The following RBFOX2 variants were observed in gnomAD, a reference collection of about 807,000 sequenced individuals.
RBFOX2 encodes the protein RNA binding fox-1 homolog 2.
RBFOX2 carries 10 observed loss-of-function variants against 49.1 expected under a neutral mutation model. The ratio of observed to expected loss-of-function variants is 0.20; its 90% confidence interval spans 0.13 to 0.35. RBFOX2 has a LOEUF of 0.35. RBFOX2 is among the 10% of genes least tolerant of loss of function. The probability of loss-of-function intolerance (pLI) is 1.00; values close to 1 mark genes in which losing one functional copy is unlikely to be tolerated. For missense variants in RBFOX2, 323 were observed against 486.9 expected (o/e 0.66, Z 3.17); for synonymous variants, 183 against 187.4 (o/e 0.98, Z 0.19).
upstream of RBFOX2, chr22:35,961,833 A>G (rs1024323790): frequency 1.6e-6 from 1 of 635,824 alleles, no homozygotes; most frequent in African/African-American, 2.0e-5. Flanking sequence ...ATGACTAAGA[A>G]AACACAGAGA....
chr22:36,007,986 T>C (rs1041177388), intron 1 of RBFOX2, among the ~76,000 whole-genome samples: 4 of 152,208 alleles, frequency 2.6e-5, no homozygotes, highest in African/African-American at 7.2e-5. Context: ...AATAATGCTA[T>C]AATGTATATT....
intron 1 of RBFOX2, among the ~76,000 whole-genome samples, chr22:35,937,222 T>C (rs1277256946): frequency 1.3e-5 from 2 of 152,224 alleles, no homozygotes; most frequent in East Asian, 3.8e-4. Context: ...TTTTCTGATA[T>C]ATGACTAAGA....
chr22:35,796,136 G>C (rs1311580569), intron 2 of RBFOX2, among the ~76,000 whole-genome samples: 1 of 152,028 alleles, frequency 6.6e-6, no homozygotes, highest in African/African-American at 2.4e-5. Context: ...ACTGTGCCTG[G>C]CCTACAAAGA....
chr22:35,947,541 T>C (rs2054427709), intron 1 of RBFOX2, among the ~76,000 whole-genome samples: 1 of 151,748 alleles, frequency 6.6e-6, no homozygotes, highest in African/African-American at 2.4e-5. Context: ...CCATGTGTGT[T>C]ACTGGCCATT....
intron 6 of RBFOX2, 79 bp downstream of exon 7, chr22:35,765,344 A>C: frequency 9.7e-7 from 1 of 1,029,708 alleles, no homozygotes; most frequent in South Asian, 1.6e-5. Flanking sequence ...GACGGAAATA[A>C]AGACATTCTT....
intron 1 of RBFOX2, among the ~76,000 whole-genome samples, chr22:35,877,786 TGA>T (rs2045332055): frequency 6.6e-6 from 1 of 152,056 alleles, no homozygotes; most frequent in African/African-American, 2.4e-5. Context: ...CCCTGCGATG[TGA>T]GAGAGAATAG....
At chr22:35,785,977 T>A (rs1366918416) in intron 2 of RBFOX2, among the ~76,000 whole-genome samples, 1 of 152,198 alleles carries the variant, frequency 6.6e-6, no homozygotes, top group Non-Finnish European at 1.5e-5. Context: ...CACAGTTGGA[T>A]CACATGAAAC....
Position 35,759,953 on chromosome 22 carries a change from G to A in RBFOX2, c.822C>T (p.Gly274=). The A allele has an allele frequency of 6.2e-7, 1 of 1,613,836 alleles. No homozygotes were observed. The highest frequency in any genetic ancestry group is 8.5e-7 in the Non-Finnish European group (1 of 1,180,020). ...CTGCACCATATACTGTCCGCCCTCT[G>A]CCCCTCAAATGGGCTCCTCTGAAAG... The change falls in exon 9 of 12, where the codon GGC becomes GGT. Residue 274 remains glycine (G), a synonymous_variant. Transcript: ENST00000405409. The surrounding 1 kb of genome is among the most constrained non-coding windows in gnomAD (Gnocchi z 4.6).
intron 3 of RBFOX2, among the ~76,000 whole-genome samples, chr22:35,778,433 A>G (rs555951983): frequency 7.4e-4 from 112 of 152,320 alleles, no homozygotes; most frequent in African/African-American, 2.6e-3. Flanking sequence ...TATACTATAG[A>G]AGGCTGTTAC....
At chr22:36,005,925 A>G (rs1430711678) in intron 1 of RBFOX2, among the ~76,000 whole-genome samples, 3 of 152,168 alleles carry the variant, frequency 2.0e-5, no homozygotes, top group Admixed American at 2.0e-4. Flanking sequence ...TAGCTGAAAA[A>G]GTTTATTTCA....
Position 35,746,097 on chromosome 22 carries a change from G to T in RBFOX2, c.977-102C>A, listed in dbSNP as rs1932646653. 4.8e-6 allele frequency: 5 copies of T among 1,032,792 alleles called. No individual in the cohort carries two copies. The East Asian group carries it at 1.2e-4, about 25-fold the overall frequency. 64.0% of individuals were successfully genotyped at this position (1,032,792 alleles called of 1,614,324 possible). ...AAGACTTGTGAGTCACTTGGTCTTG[G>T]ATTATCATAAGGAAACTGGAATTAC... On this transcript the variant is annotated intron_variant, in intron 10 of 11. Coordinates refer to ENST00000405409, the Ensembl canonical transcript of RBFOX2.
At chr22:35,801,428 TACACAC>T (rs10623033) in intron 2 of RBFOX2, among the ~76,000 whole-genome samples, 11 of 143,618 alleles carry the variant, frequency 7.7e-5, no homozygotes, top group East Asian at 2.1e-4. Flanking sequence ...ATACAACACA[TACACAC>T]ACACACACAC....
chr22:35,840,370 T>A, exon 1 of RBFOX2: 3 of 1,539,232 alleles, frequency 1.9e-6, no homozygotes, highest in Non-Finnish European at 2.6e-6. Flanking sequence ...TTTTTCTTTC[T>A]AATGTTTCTT....
intron 2 of RBFOX2, among the ~76,000 whole-genome samples, chr22:35,807,957 C>T (rs145728068): frequency 5.9e-5 from 9 of 151,898 alleles, no homozygotes; most frequent in African/African-American, 1.9e-4. Flanking sequence ...TAACTTTATA[C>T]CAACAAAATT....
chr22:35,780,594 A>G (rs1944931612), intron 3 of RBFOX2, among the ~76,000 whole-genome samples: 1 of 152,212 alleles, frequency 6.6e-6, no homozygotes, highest in Non-Finnish European at 1.5e-5. Context: ...ATCCTCTACA[A>G]TGATTTTAGA....
chr22:35,781,788 T>A, intron 2 of RBFOX2, 42 bp from the exon 4 acceptor site: 9 of 1,611,566 alleles, frequency 5.6e-6, no homozygotes, highest in Non-Finnish European at 7.6e-6. Context: ...CACAATTACT[T>A]TAAAATAATT....
intron 1 of RBFOX2, among the ~76,000 whole-genome samples, chr22:35,921,845 G>A (rs2051063168): frequency 6.6e-6 from 1 of 152,160 alleles, no homozygotes; most frequent in Non-Finnish European, 1.5e-5. Context: ...ATTCATCTGG[G>A]GCAGAGGGGC....
chr22:35,965,849 A>G (rs2149982283), upstream of RBFOX2, among the ~76,000 whole-genome samples: 1 of 152,328 alleles, frequency 6.6e-6, no homozygotes, highest in Non-Finnish European at 1.5e-5. Context: ...TGTAGCAATC[A>G]CAGAACGCAA....
At chr22:36,001,397 T>C (rs2058419470) in intron 1 of RBFOX2, among the ~76,000 whole-genome samples, 1 of 152,172 alleles carries the variant, frequency 6.6e-6, no homozygotes, top group African/African-American at 2.4e-5. Flanking sequence ...CTTTTGAACC[T>C]GAGTTTATGA....
Sources: allele counts gnomAD v4.1 joint callset (sites outside exome capture counted in the v4.1 genomes callset), GRCh38; gene constraint gnomAD v4.1.1; non-coding constraint Gnocchi (gnomAD v3.1); transcripts MANE v1.5; gene names NCBI Gene and HGNC (gene_info 2026-07-23, HGNC 2026-07-21).